The following GPAM variants were observed in gnomAD, a reference collection of about 807,000 sequenced individuals.
The protein encoded by GPAM is glycerol-3-phosphate acyltransferase 1, mitochondrial.
In GPAM, 56 loss-of-function variants were observed where a neutral mutation model predicts 105.0. The observed-to-expected ratio is 0.53, with a 90% confidence interval of 0.43 to 0.67. GPAM has a LOEUF of 0.67. Ranked by LOEUF, GPAM falls within the 30% of genes least tolerant of loss-of-function variation. The probability of loss-of-function intolerance (pLI) is 0.00; values close to 1 mark genes in which losing one functional copy is unlikely to be tolerated. For missense variants in GPAM, 855 were observed against 989.8 expected, an observed-to-expected ratio of 0.86 and a Z score of 1.83; for synonymous variants, 368 against 354.4, an observed-to-expected ratio of 1.04 and a Z score of -0.43.
intron 1 of GPAM, among the ~76,000 whole-genome samples, chr10:112,201,122 G>A (rs182374074): frequency 1.1e-4 from 17 of 152,288 alleles, no homozygotes; most frequent in Admixed American, 8.5e-4. Flanking sequence ...TTTTAAAGAG[G>A]TAGTGACATT....
chr10:112,225,935 C>T, the GPAM span, among the ~76,000 whole-genome samples: 7 of 152,118 alleles, frequency 4.6e-5, no homozygotes, highest in African/African-American at 1.7e-4. Context: ...TCACAAGTAG[C>T]CTTGTTTCTA....
chr10:112,198,963 G>A (rs542914198), intron 1 of GPAM, among the ~76,000 whole-genome samples: 30 of 150,832 alleles, frequency 2.0e-4, no homozygotes, highest in African/African-American at 6.1e-4. Context: ...TTGCTCTGTC[G>A]CCAGGCTGGA....
intron 1 of GPAM, among the ~76,000 whole-genome samples, chr10:112,200,323 T>C (rs1055944017): frequency 6.6e-6 from 1 of 151,672 alleles, no homozygotes; most frequent in East Asian, 1.9e-4. Context: ...AGAGTCTCAC[T>C]GTTGCCGAGA....
chr10:112,227,376 G>A, the GPAM span, among the ~76,000 whole-genome samples: 1 of 152,192 alleles, frequency 6.6e-6, no homozygotes, highest in Admixed American at 6.5e-5. Context: ...TCACTGTTCT[G>A]TTCTTTCCAA....
intron 1 of GPAM, among the ~76,000 whole-genome samples, chr10:112,200,722 T>C (rs890273171): frequency 6.6e-6 from 1 of 152,052 alleles, no homozygotes; most frequent in African/African-American, 2.4e-5. Flanking sequence ...TCATTCAAAA[T>C]GGATAAAGGT....
At chr10:112,169,636 G>C (rs1847279456) in intron 9 of GPAM, among the ~76,000 whole-genome samples, 1 of 152,130 alleles carries the variant, frequency 6.6e-6, no homozygotes, top group African/African-American at 2.4e-5. Flanking sequence ...TTTTCAAGTA[G>C]AGTGATACTA....
chr10:112,162,148 G>T (rs1189557708), intron 14 of GPAM, among the ~76,000 whole-genome samples: 1 of 152,106 alleles, frequency 6.6e-6, no homozygotes, highest in Non-Finnish European at 1.5e-5. Flanking sequence ...TCTTCTTGCT[G>T]GTATTCACCA....
chr10:112,214,886 C>T (rs1363817077), intron 1 of GPAM, among the ~76,000 whole-genome samples: 1 of 152,180 alleles, frequency 6.6e-6, no homozygotes, highest in Non-Finnish European at 1.5e-5. Context: ...GTAGCAAAAA[C>T]TCGGGAAGGA....
intron 5 of GPAM, among the ~76,000 whole-genome samples, chr10:112,176,807 T>G (rs1257422502): frequency 1.3e-5 from 2 of 152,234 alleles, no homozygotes; most frequent in African/African-American, 4.8e-5. Flanking sequence ...TATGTGAATG[T>G]GTAAAAATGT....
intron 1 of GPAM, among the ~76,000 whole-genome samples, chr10:112,192,149 A>C (rs1847667726): frequency 6.6e-6 from 1 of 152,156 alleles, no homozygotes; most frequent in Non-Finnish European, 1.5e-5. Flanking sequence ...CCTTCAAGAG[A>C]ACTTTGACAT....
rs34740406 is a variant in GPAM, at chr10:112,175,670, T to C, written c.343A>G (p.Ile115Val). Residue 115 changes from isoleucine (I) to valine (V), a missense_variant, in exon 6 of 22, where the codon ATT becomes GTT. Physicochemically the swap from Ile to Val is conservative, Grantham distance 29. Transcript: ENST00000348367. Reference sequence around the variant, plus strand: ...CCCTTATGCACATCTCGCTCTTGAATAAAAAGAACGTAAGAAAGGCGTCTT... The same window carrying C: ...CCCTTATGCACATCTCGCTCTTGAACAAAAAGAACGTAAGAAAGGCGTCTT... ...LARRLSYVLF[I>V]QERDVHKGMF... The C allele has an allele frequency of 6.2e-7, 1 of 1,613,462 alleles. No individual in the cohort carries two copies. The highest frequency in any genetic ancestry group is 8.5e-7 in the Non-Finnish European group (1 of 1,179,444).
chr10:112,176,307 T>C (rs2133259647), intron 5 of GPAM, among the ~76,000 whole-genome samples: 1 of 152,312 alleles, frequency 6.6e-6, no homozygotes, highest in South Asian at 2.1e-4. Flanking sequence ...ACATTTTAAA[T>C]ACACCTGAGG....
In GPAM at chr10:112,181,790, A is replaced by C. The variant is rs771464892; in HGVS notation, c.-6T>G. On this transcript the variant is annotated 5_prime_UTR_variant, in exon 3 of 22. Coordinates refer to ENST00000348367, the MANE Select transcript of GPAM (RefSeq NM_001244949.2). ...GTCAGTGCAGATTCATCCATGTCACAAAGTGTAATTCCCAAATCATGTGCT... is the reference window on the plus strand; with the variant it reads ...GTCAGTGCAGATTCATCCATGTCACCAAGTGTAATTCCCAAATCATGTGCT... The C allele has an allele frequency of 6.7e-7, 1 of 1,502,956 alleles. No homozygotes were observed. Among genetic ancestry groups the C allele is most frequent in the Admixed American group, 1.7e-5 (1 of 59,894 alleles). The allele number at this position is 1,502,956 out of a possible 1,614,324, so 93.1% of individuals were successfully genotyped here. A position where few individuals can be genotyped will look rare whatever the true frequency, so the allele number is the denominator to read the frequency against.
intron 1 of GPAM, among the ~76,000 whole-genome samples, chr10:112,204,238 G>T (rs953591833): frequency 3.4e-5 from 5 of 149,166 alleles, no homozygotes; most frequent in African/African-American, 1.2e-4. Flanking sequence ...GGTTATTACA[G>T]AATTTTTTCT....
Position 112,167,273 on chromosome 10 carries a change from C to T in GPAM, c.1108-758G>A, listed in dbSNP as rs530881197. On this transcript the variant is annotated intron_variant, in intron 11 of 21. Coordinates refer to ENST00000348367, the MANE Select transcript of GPAM (RefSeq NM_001244949.2). Reference sequence around the variant, plus strand: ...CCAAAATTTCCACAATAAATAAGAACAAAACTAAATTCCTCTTGAACTCTA... The same window carrying T: ...CCAAAATTTCCACAATAAATAAGAATAAAACTAAATTCCTCTTGAACTCTA... Among the ~76,000 whole-genome samples, 10 of 152,198 alleles carry T rather than the reference C, an allele frequency of 6.6e-5. No individual in the cohort carries two copies. In the South Asian group the frequency reaches 1.9e-3, roughly 28 times the overall value.
At chr10:112,212,741 C>A (rs1249638603) in intron 1 of GPAM, among the ~76,000 whole-genome samples, 1 of 152,172 alleles carries the variant, frequency 6.6e-6, no homozygotes, top group Admixed American at 6.5e-5. Context: ...CTCTCTTAGC[C>A]TTGGTTTGTT....
chr10:112,183,275 G>A (rs1160560297), intron 1 of GPAM, among the ~76,000 whole-genome samples: 1 of 152,246 alleles, frequency 6.6e-6, no homozygotes, highest in Non-Finnish European at 1.5e-5. Context: ...ACCACAGTGT[G>A]TAACACACAG....
chr10:112,183,495 G>C (rs1177330924), intron 1 of GPAM, among the ~76,000 whole-genome samples, 198 bp downstream of exon 1: 1 of 152,228 alleles, frequency 6.6e-6, no homozygotes, highest in Admixed American at 6.5e-5. Flanking sequence ...AGTCTCCCCA[G>C]GAGAGATGAA....
chr10:112,181,651 C>A (rs1274327710), intron 3 of GPAM, 32 bp downstream of exon 3: 1 of 1,158,992 alleles, frequency 8.6e-7, no homozygotes, highest in Admixed American at 1.7e-5. Flanking sequence ...CATTTTTAGG[C>A]TGAGTGCTTT....
Sources: gnomAD v4.1 joint callset for allele counts (sites outside exome capture counted in the v4.1 genomes callset) on GRCh38, gnomAD v4.1.1 for gene constraint, MANE v1.5 for transcripts, NCBI Gene and HGNC (gene_info 2026-07-23, HGNC 2026-07-21) for gene names.